The following DCC variants were observed in gnomAD, a reference collection of about 807,000 sequenced individuals.
DCC encodes netrin receptor DCC.
A neutral mutation model predicts 172.5 loss-of-function variants in DCC; 58 were observed. That is an observed-to-expected ratio of 0.34 (90% CI 0.27 to 0.42). The LOEUF is 0.42. Among genes scored for constraint, DCC ranks in the 10% least tolerant of loss-of-function variants. The probability of loss-of-function intolerance (pLI) is 1.00; values close to 1 mark genes in which losing one functional copy is unlikely to be tolerated. For synonymous variants in DCC, 709 were observed against 644.5 expected (o/e 1.10, Z -1.52); for missense variants, 1,740 against 1,791.0 (o/e 0.97, Z 0.51).
At chr18:52,948,683 G>A (rs1211834552) in intron 5 of DCC, among the ~76,000 whole-genome samples, 1 of 152,154 alleles carries the variant, frequency 6.6e-6, no homozygotes, top group Non-Finnish European at 1.5e-5. Context: ...TTGCCATTCA[G>A]CCTTGAGACT....
chr18:53,252,000 T>G (rs1199813043), intron 12 of DCC, among the ~76,000 whole-genome samples: 2 of 151,936 alleles, frequency 1.3e-5, no homozygotes, highest in East Asian at 1.9e-4. Flanking sequence ...CCCAGGAAGA[T>G]GTTCTCTGGC....
intron 15 of DCC, among the ~76,000 whole-genome samples, chr18:53,375,120 C>T (rs1055455022): frequency 2.0e-5 from 3 of 152,126 alleles, no homozygotes; most frequent in South Asian, 4.1e-4. Context: ...AGGGTTCCTA[C>T]GAAGATAAGT....
intron 1 of DCC, among the ~76,000 whole-genome samples, chr18:52,427,504 G>A (rs997946210): frequency 6.6e-6 from 1 of 152,036 alleles, no homozygotes; most frequent in African/African-American, 2.4e-5. Flanking sequence ...ACAGTGGAGG[G>A]TCTGAGTCTG....
At chr18:52,871,660 G>T (rs2039321046) in intron 2 of DCC, among the ~76,000 whole-genome samples, 1 of 151,992 alleles carries the variant, frequency 6.6e-6, no homozygotes, top group African/African-American at 2.4e-5. Context: ...TTGTCATCTT[G>T]CCCAGGCTGG....
intron 1 of DCC, among the ~76,000 whole-genome samples, chr18:52,648,516 A>G (rs953790406): frequency 3.9e-5 from 6 of 152,246 alleles, no homozygotes; most frequent in Non-Finnish European, 7.3e-5. Context: ...TAGGACTTCA[A>G]TGCCAAAGAG....
chr18:53,345,061 A>G (rs1398473430), intron 15 of DCC, among the ~76,000 whole-genome samples: 3 of 151,784 alleles, frequency 2.0e-5, no homozygotes, highest in Non-Finnish European at 4.4e-5. Context: ...GACAATACAT[A>G]CACAAATAAA....
chr18:52,543,514 C>G (rs1048676894), intron 1 of DCC, among the ~76,000 whole-genome samples: 1 of 152,084 alleles, frequency 6.6e-6, no homozygotes, highest in Non-Finnish European at 1.5e-5. Flanking sequence ...AGAAAGTATT[C>G]TTATTTGACT....
intron 12 of DCC, among the ~76,000 whole-genome samples, chr18:53,267,149 T>TAGAG (rs148961817): frequency 4.8e-5 from 7 of 144,792 alleles, no homozygotes; most frequent in South Asian, 2.2e-4. Context: ...TATATATATA[T>TAGAG]AGAGAGAGAG....
chr18:53,265,080 C>G (rs2056657206), intron 12 of DCC, among the ~76,000 whole-genome samples: 1 of 152,104 alleles, frequency 6.6e-6, no homozygotes, highest in Non-Finnish European at 1.5e-5. Flanking sequence ...GAAAGTAGCT[C>G]CATCTCAGCT....
At chr18:52,440,917 C>T (rs1321994919) in intron 1 of DCC, among the ~76,000 whole-genome samples, 2 of 152,172 alleles carry the variant, frequency 1.3e-5, no homozygotes, top group East Asian at 3.9e-4. Context: ...CATAAAGGTA[C>T]AAGTAATTTC....
At position 53,232,680 on chromosome 18, in the gene DCC, G is replaced by A. The variant is rs114243334; in HGVS notation, c.1911+17083G>A. On this transcript the variant is annotated intron_variant, in intron 12 of 28. Coordinates refer to ENST00000442544, the MANE Select transcript of DCC (RefSeq NM_005215.4). ...CACCTGGAATGTGTCCGGCTAAATCGAAAATGCTAATTCTGTGGCTCAATT... is the reference window on the plus strand; with the variant it reads ...CACCTGGAATGTGTCCGGCTAAATCAAAAATGCTAATTCTGTGGCTCAATT... Among the ~76,000 whole-genome samples the A allele has an allele frequency of 2.2e-3, 330 of 152,162 alleles. 2 individuals are homozygous for A. Among genetic ancestry groups the A allele is most frequent in the African/African-American group, 7.6e-3 (314 of 41,530 alleles).
chr18:52,653,324 A>G (rs2035178880), intron 1 of DCC, among the ~76,000 whole-genome samples: 1 of 152,162 alleles, frequency 6.6e-6, no homozygotes, highest in African/African-American at 2.4e-5. Flanking sequence ...ATTTTTGCTT[A>G]TATTATCCTT....
chr18:52,857,152 T>C (rs945612741), intron 2 of DCC, among the ~76,000 whole-genome samples: 2 of 152,242 alleles, frequency 1.3e-5, no homozygotes, highest in East Asian at 3.8e-4. Context: ...ATATTCCTTC[T>C]TAAATAGATT....
intron 1 of DCC, among the ~76,000 whole-genome samples, chr18:52,716,879 C>A (rs2036392447): frequency 6.6e-6 from 1 of 152,072 alleles, no homozygotes; most frequent in African/African-American, 2.4e-5. Context: ...TTTGATTGTT[C>A]TTTAAAGATG....
chr18:52,980,944 A>ATTTTTTTT, intron 5 of DCC, among the ~76,000 whole-genome samples: 1 of 145,608 alleles, frequency 6.9e-6, no homozygotes, highest in African/African-American at 2.5e-5. Context: ...ACATACTGCT[A>ATTTTTTTT]TTTTTTTTTT....
intron 5 of DCC, among the ~76,000 whole-genome samples, chr18:52,989,484 T>A (rs2041347615): frequency 6.6e-6 from 1 of 152,110 alleles, no homozygotes; most frequent in South Asian, 2.1e-4. Flanking sequence ...GATCACACCA[T>A]GGCACTACAG....
intron 15 of DCC, among the ~76,000 whole-genome samples, chr18:53,351,817 T>C (rs1434610046): frequency 6.6e-6 from 1 of 151,862 alleles, no homozygotes; most frequent in Non-Finnish European, 1.5e-5. Flanking sequence ...ACTTGCTGTG[T>C]TTCTTCTAAG....
At position 52,906,245 on chromosome 18, in the gene DCC, G is replaced by C; in HGVS notation, c.614G>C (p.Gly205Ala). ...GALQISRLQP[G>A]DIGIYRCSAR... is the part of the protein sequence containing the mutation. ...TTGCAGATCAGCCGACTCCAACCGG[G>C]GGACATTGGAATTTACCGATGCTCA... The change falls in exon 3 of 29, where the codon GGG (glycine) becomes GCG (alanine). Residue 205 changes from glycine to alanine, a missense_variant. Transcript: ENST00000442544. 2 of 1,613,996 alleles carry C rather than the reference G, an allele frequency of 1.2e-6. No homozygotes were observed. Among genetic ancestry groups the C allele is most frequent in the Non-Finnish European group, 1.7e-6 (2 of 1,180,010 alleles).
chr18:52,996,772 C>CTTTTTT (rs66600556), intron 5 of DCC, among the ~76,000 whole-genome samples: 13 of 117,164 alleles, frequency 1.1e-4, no homozygotes, highest in Non-Finnish European at 1.4e-4. Flanking sequence ...TCACCTTTTT[C>CTTTTTT]TTTTTTTTTT....
Sources: gnomAD v4.1 joint callset for allele counts (sites outside exome capture counted in the v4.1 genomes callset) on GRCh38, gnomAD v4.1.1 for gene constraint, MANE v1.5 for transcripts, NCBI Gene and HGNC (gene_info 2026-07-23, HGNC 2026-07-21) for gene names.